Variants in EXT1 observed in about 807,000 individuals in gnomAD.
EXT1 encodes the protein exostosin glycosyltransferase 1.
In EXT1, 20 loss-of-function variants were observed where a neutral mutation model predicts 82.5. The ratio of observed to expected loss-of-function variants is 0.24; its 90% confidence interval spans 0.17 to 0.35. EXT1 has a LOEUF of 0.35. Among genes scored for constraint, EXT1 ranks in the 10% least tolerant of loss-of-function variants. The probability of loss-of-function intolerance (pLI) is 1.00; values close to 1 mark genes in which losing one functional copy is unlikely to be tolerated. For synonymous variants in EXT1, 348 were observed against 350.8 expected, an observed-to-expected ratio of 0.99 and a Z score of 0.09; for missense variants, 757 against 936.5, an observed-to-expected ratio of 0.81 and a Z score of 2.50.
At chr8:117,802,027 T>C (rs1196726336) in intron 10 of EXT1, among the ~76,000 whole-genome samples, 1 of 152,224 alleles carries the variant, frequency 6.6e-6, no homozygotes, top group African/African-American at 2.4e-5. Flanking sequence ...CTTTCTTATG[T>C]AATAAAAGCC....
In EXT1 at chr8:118,064,411, G is replaced by A. The variant is rs1033937958; in HGVS notation, c.962+45674C>T. On this transcript the variant is annotated intron_variant, in intron 1 of 10. Transcript: ENST00000378204. ...TTCTCACTATTCAGCTCCCACTTATGAGTGAGAACATGCAGTGTTTGGTTT... is the reference window on the plus strand; with the variant it reads ...TTCTCACTATTCAGCTCCCACTTATAAGTGAGAACATGCAGTGTTTGGTTT... 4.6e-5 allele frequency among the ~76,000 whole-genome samples: 7 copies of A among 152,192 alleles called. No homozygotes were observed. In the East Asian group the frequency reaches 1.4e-3, roughly 29 times the overall value.
chr8:117,871,159 AG>A (rs2129892451), intron 1 of EXT1, among the ~76,000 whole-genome samples: 1 of 152,344 alleles, frequency 6.6e-6, no homozygotes, highest in East Asian at 1.9e-4. Context: ...GTTTAGTTTT[AG>A]CTGTATTCTC....
rs142724308 is a variant in EXT1, at chr8:117,877,062, C to T, written c.963-39861G>A. 1.6e-4 allele frequency among the ~76,000 whole-genome samples: 24 copies of T among 152,252 alleles called. No individual in the cohort carries two copies. The South Asian group carries it at 2.7e-3, about 17-fold the overall frequency. On this transcript the variant is annotated intron_variant, in intron 1 of 10. Transcript: ENST00000378204. ...TAAGGCTCTGGTCATGTCACAGAGGCGTGATTAAACCAGCCCTAATGACTG... is the reference window on the plus strand; with the variant it reads ...TAAGGCTCTGGTCATGTCACAGAGGTGTGATTAAACCAGCCCTAATGACTG...
intron 1 of EXT1, among the ~76,000 whole-genome samples, chr8:117,890,499 C>A (rs1377767738): frequency 1.3e-5 from 2 of 152,206 alleles, no homozygotes; most frequent in Non-Finnish European, 1.5e-5. Context: ...TCTGGTCTTA[C>A]ATTGGCTTGA....
chr8:117,915,315 A>G (rs995285287), intron 1 of EXT1, among the ~76,000 whole-genome samples: 1 of 151,910 alleles, frequency 6.6e-6, no homozygotes, highest in Non-Finnish European at 1.5e-5. Context: ...TCTGCATAGA[A>G]TGTTCAAATT....
At chr8:117,978,604 T>C (rs1426413428) in intron 1 of EXT1, among the ~76,000 whole-genome samples, 1 of 152,206 alleles carries the variant, frequency 6.6e-6, no homozygotes, top group Non-Finnish European at 1.5e-5. Context: ...ATGACCTATA[T>C]AGGAATAATA....
At chr8:117,830,571 A>C (rs1812082457) in intron 3 of EXT1, among the ~76,000 whole-genome samples, 1 of 152,218 alleles carries the variant, frequency 6.6e-6, no homozygotes, top group South Asian at 2.1e-4. Context: ...TGATGTATGA[A>C]AGTTACAGTT....
At chr8:117,942,670 C>T (rs1814308611) in intron 1 of EXT1, among the ~76,000 whole-genome samples, 1 of 152,106 alleles carries the variant, frequency 6.6e-6, no homozygotes, top group Non-Finnish European at 1.5e-5. Context: ...GAGATCATGC[C>T]ATTGCACTCC....
intron 7 of EXT1, among the ~76,000 whole-genome samples, chr8:117,816,991 T>TA (rs1554578618): frequency 6.6e-6 from 1 of 151,970 alleles, no homozygotes; most frequent in African/African-American, 2.4e-5. Flanking sequence ...GGCTATTCTA[T>TA]GGGGGGGATG....
intron 1 of EXT1, among the ~76,000 whole-genome samples, chr8:117,887,147 A>G (rs566395735): frequency 1.2e-4 from 18 of 152,296 alleles, no homozygotes; most frequent in Non-Finnish European, 2.5e-4. Flanking sequence ...ATATATAACA[A>G]ATATTGTTAT....
chr8:117,947,067 GACC>G lies in EXT1; in HGVS notation c.963-109869_963-109867del, dbSNP rs1344144162. On this transcript the variant is annotated intron_variant, in intron 1 of 10. Coordinates refer to ENST00000378204, the MANE Select transcript of EXT1 (RefSeq NM_000127.3). ...AGATCTGTTCTGTCTTGTTAAAAGG[GACC>G]ACAATAAGTTATTAATTCCATTTAG... Among the ~76,000 whole-genome samples, 67 of 152,256 alleles carry G rather than the reference GACC, an allele frequency of 4.4e-4. 1 individual carries two copies. Among genetic ancestry groups the G allele is most frequent in the Non-Finnish European group, 2.9e-4 (20 of 68,018 alleles).
intron 8 of EXT1, among the ~76,000 whole-genome samples, chr8:117,811,166 T>C (rs980766060): frequency 2.6e-5 from 4 of 152,196 alleles, no homozygotes; most frequent in African/African-American, 9.6e-5. Context: ...ATTCAGTTTG[T>C]TGCCAGGACT....
intron 1 of EXT1, among the ~76,000 whole-genome samples, chr8:118,103,741 T>G (rs1261127716): frequency 6.6e-6 from 1 of 152,146 alleles, no homozygotes. Context: ...TTCCTCACTT[T>G]TCTTAGAAGA....
At chr8:117,863,790 GA>G (rs1812727024) in intron 1 of EXT1, among the ~76,000 whole-genome samples, 1 of 152,184 alleles carries the variant, frequency 6.6e-6, no homozygotes, top group African/African-American at 2.4e-5. Context: ...GGGTGAGGAA[GA>G]AGGTGGAAGG....
chr8:118,017,858 G>A (rs1178733394), intron 1 of EXT1, among the ~76,000 whole-genome samples: 1 of 152,150 alleles, frequency 6.6e-6, no homozygotes, highest in Admixed American at 6.5e-5. Context: ...AAGGCATCTG[G>A]ACCGAGCCCA....
At chr8:117,942,860 A>T (rs1361700497) in intron 1 of EXT1, among the ~76,000 whole-genome samples, 1 of 152,226 alleles carries the variant, frequency 6.6e-6, no homozygotes, top group Non-Finnish European at 1.5e-5. Flanking sequence ...AATAAATTGG[A>T]TGGCCCAGGG....
At position 117,798,806 on chromosome 8, in the gene EXT1, G is replaced by A. The variant is rs928355852; in HGVS notation, c.*906C>T. On this transcript the variant is annotated 3_prime_UTR_variant, in exon 11 of 11. Transcript: ENST00000378204. ...CTCCCCAATATACTCATTATTCCTT[G>A]GCTTCTAAACCAAAGCCTCTTCCCA... The A allele has an allele frequency of 7.2e-5, 11 of 151,900 alleles. No individual in the cohort carries two copies. The highest frequency in any genetic ancestry group is 2.7e-4 in the African/African-American group (11 of 41,326). The allele number at this position is 151,900 out of a possible 1,614,324, so 9.4% of individuals were successfully genotyped here.
At chr8:118,042,184 A>G (rs1359810390) in intron 1 of EXT1, among the ~76,000 whole-genome samples, 2 of 152,198 alleles carry the variant, frequency 1.3e-5, no homozygotes, top group Admixed American at 1.3e-4. Flanking sequence ...AAGGATTCTA[A>G]GAAATCTAAC....
Position 118,058,140 on chromosome 8 carries a change from A to T in EXT1, c.962+51945T>A, listed in dbSNP as rs532447408. Among the ~76,000 whole-genome samples the T allele has an allele frequency of 3.3e-5, 5 of 152,132 alleles. No homozygotes were observed. In the East Asian group the frequency reaches 9.6e-4, roughly 29 times the overall value. Reference sequence around the variant, plus strand: ...AAATAACTTCCCCACTCACACACAGACAGACACAAATACACAACACACACA... The same window carrying T: ...AAATAACTTCCCCACTCACACACAGTCAGACACAAATACACAACACACACA... On this transcript the variant is annotated intron_variant, in intron 1 of 10. Coordinates refer to ENST00000378204, the MANE Select transcript of EXT1 (RefSeq NM_000127.3).
Sources: gnomAD v4.1 joint callset for allele counts (sites outside exome capture counted in the v4.1 genomes callset) on GRCh38, gnomAD v4.1.1 for gene constraint, MANE v1.5 for transcripts, NCBI Gene and HGNC (gene_info 2026-07-23, HGNC 2026-07-21) for gene names.